SLC27A4: variants seen among roughly 807,000 people sequenced by gnomAD.
The protein encoded by SLC27A4 is solute carrier family 27 member 4.
In SLC27A4, 33 loss-of-function variants were observed where a neutral mutation model predicts 64.4. That is an observed-to-expected ratio of 0.51 (90% CI 0.39 to 0.68). The LOEUF (loss-of-function observed/expected upper bound fraction) is 0.68, where lower values mean the gene tolerates loss of function less well. SLC27A4 is among the 30% of genes least tolerant of loss of function. SLC27A4 has a pLI of 0.00. For synonymous variants in SLC27A4, 377 were observed against 370.0 expected (o/e 1.02, Z -0.22); for missense variants, 824 against 883.5 (o/e 0.93, Z 0.85).
At chr9:128,351,646 G>A (rs1051559156) in intron 6 of SLC27A4, among the ~76,000 whole-genome samples, 4 of 152,158 alleles carry the variant, frequency 2.6e-5, no homozygotes, top group African/African-American at 9.7e-5. Flanking sequence ...GAACCCAGGA[G>A]GCAAAGGTTG....
intron 7 of SLC27A4, 52 bp from the exon 8 acceptor site, chr9:128,352,973 G>A (rs1832759673): frequency 1.4e-6 from 2 of 1,479,328 alleles, no homozygotes; most frequent in Admixed American, 1.8e-5. Context: ...GAGAATCCTA[G>A]TGTAGTGAGG....
chr9:128,352,817 C>T, intron 7 of SLC27A4, 70 bp downstream of exon 7: 1 of 1,272,116 alleles, frequency 7.9e-7, no homozygotes, highest in Non-Finnish European at 1.1e-6. Context: ...CACTCCGGGG[C>T]ATCTGTCTTA....
Position 128,355,726 on chromosome 9 carries a change from C to T in SLC27A4, c.1704C>T (p.Val568=). Residue 568 remains valine, a synonymous_variant, in exon 12 of 13, where the codon GTC becomes GTT. Transcript: ENST00000300456. ...GNCDLERFAQ[V]LEKELPLYAR... is the part of the protein sequence containing the mutation. ...GTGACCTGGAGCGCTTTGCTCAGGT[C>T]TTGGAGAAGGAACTGCCCCTGTATG... The T allele has an allele frequency of 6.2e-7, 1 of 1,613,746 alleles. No individual in the cohort carries two copies. Among genetic ancestry groups the T allele is most frequent in the South Asian group, 1.1e-5 (1 of 91,078 alleles).
intron 4 of SLC27A4, 71 bp downstream of exon 4, chr9:128,348,774 GA>G: frequency 1.3e-6 from 2 of 1,513,388 alleles, no homozygotes; most frequent in South Asian, 1.1e-5. Flanking sequence ...CTCAGTGCCA[GA>G]AGGAGGCTTT....
At chr9:128,341,715 C>T (rs1406272152) in intron 1 of SLC27A4, among the ~76,000 whole-genome samples, 2 of 152,170 alleles carry the variant, frequency 1.3e-5, no homozygotes, top group African/African-American at 4.8e-5. Flanking sequence ...TCCCTGGGTT[C>T]TGGGTGGGGA....
chr9:128,353,947 T>G lies in SLC27A4; in HGVS notation c.1324+406T>G, dbSNP rs371388807. Among the ~76,000 whole-genome samples the G allele has an allele frequency of 3.7e-3, 562 of 150,658 alleles. 18 individuals are homozygous for G. In the East Asian group the frequency reaches 0.086, roughly 23 times the overall value. On this transcript the variant is annotated intron_variant, in intron 9 of 12. Transcript: ENST00000300456. The surrounding 1 kb of genome is among the most constrained non-coding windows in gnomAD (Gnocchi z 4.9). ...TTTAGTAGAGACGGGGTTTCACCGTTTTAGCCGGGATGGTCTCGATCTCCT... is the reference window on the plus strand; with the variant it reads ...TTTAGTAGAGACGGGGTTTCACCGTGTTAGCCGGGATGGTCTCGATCTCCT...
intron 1 of SLC27A4, 140 bp from the exon 2 acceptor site, chr9:128,342,986 TG>T: frequency 9.3e-7 from 1 of 1,069,812 alleles, no homozygotes; most frequent in Non-Finnish European, 1.4e-6. Context: ...GGGACCCCTG[TG>T]GTCAGTCACC....
rs1832601634 is a variant in SLC27A4 at position 128,343,138 on chromosome 9, G to A, written c.6G>A (p.Leu2=). 2 of 1,613,664 alleles carry A rather than the reference G, an allele frequency of 1.2e-6. No homozygotes were observed. Among genetic ancestry groups the A allele is most frequent in the East Asian group, 4.5e-5 (2 of 44,886 alleles). Residue 2 remains leucine (L), a synonymous_variant, in exon 2 of 13, where the codon CTG becomes CTA. Coordinates refer to ENST00000300456, the MANE Select transcript of SLC27A4 (RefSeq NM_005094.4). M[L]LGASLVGVLL... ...CCCTGTGTCCGCAGGCCACAATGCTGCTTGGAGCCTCTCTGGTGGGGGTGC... is the reference window on the plus strand; with the variant it reads ...CCCTGTGTCCGCAGGCCACAATGCTACTTGGAGCCTCTCTGGTGGGGGTGC...
chr9:128,352,150 G>A (rs1832746537), intron 6 of SLC27A4, among the ~76,000 whole-genome samples: 1 of 151,434 alleles, frequency 6.6e-6, no homozygotes, highest in South Asian at 2.1e-4. Flanking sequence ...AGCCGAGATG[G>A]CATCACTGTA....
rs551080094 is a variant in SLC27A4, at chr9:128,342,270, C to T, written c.-6-857C>T. ...CCGATATGGCTGAGATTGAGAAATT[C>T]GATAAGTCGAAACTGAAGAAGACAG... On this transcript the variant is annotated intron_variant, in intron 1 of 12. Coordinates refer to ENST00000300456, the MANE Select transcript of SLC27A4 (RefSeq NM_005094.4). 33 of 1,611,214 alleles carry T rather than the reference C, an allele frequency of 2.0e-5. No homozygotes were observed. In the African/African-American group the frequency reaches 2.3e-4, roughly 11 times the overall value.
intron 4 of SLC27A4, among the ~76,000 whole-genome samples, 178 bp from the exon 5 acceptor site, chr9:128,350,134 G>T (rs1237388029): frequency 6.6e-6 from 1 of 152,246 alleles, no homozygotes; most frequent in Non-Finnish European, 1.5e-5. Flanking sequence ...GGAAATATTT[G>T]TTGGAATGGA....
intron 3 of SLC27A4, among the ~76,000 whole-genome samples, chr9:128,347,457 T>C (rs998727428): frequency 2.6e-5 from 4 of 152,152 alleles, no homozygotes; most frequent in Non-Finnish European, 5.9e-5. Context: ...CCTGGCATGG[T>C]GGCTCACGCC....
At chr9:128,342,174 T>C in intron 1 of SLC27A4, 1 of 1,358,956 alleles carries the variant, frequency 7.4e-7, no homozygotes, top group Non-Finnish European at 1.1e-6. Flanking sequence ...TGGTGGCCAC[T>C]GCGCAGACCA....
chr9:128,355,502 G>T lies in SLC27A4; in HGVS notation c.1567G>T (p.Gly523Cys). ...GAACGTGTCCACCACCGAGGTGGAAGGCACACTCAGCCGCCTGCTGGACAT... is the reference window on the plus strand; with the variant it reads ...GAACGTGTCCACCACCGAGGTGGAATGCACACTCAGCCGCCTGCTGGACAT... ...GENVSTTEVE[G>C]TLSRLLDMAD... The change falls in exon 11 of 13, where the codon GGC (glycine) becomes TGC (cysteine). Residue 523 changes from glycine to cysteine, a missense_variant. Coordinates refer to ENST00000300456, the MANE Select transcript of SLC27A4 (RefSeq NM_005094.4). 1 of 1,613,368 alleles carries T rather than the reference G, an allele frequency of 6.2e-7. No homozygotes were observed. Among genetic ancestry groups the T allele is most frequent in the South Asian group, 1.1e-5 (1 of 91,088 alleles).
chr9:128,342,065 C>T lies in SLC27A4; in HGVS notation c.-6-1062C>T, dbSNP rs1007479883. On this transcript the variant is annotated intron_variant, in intron 1 of 12. Coordinates refer to ENST00000300456, the MANE Select transcript of SLC27A4 (RefSeq NM_005094.4). Reference sequence around the variant, plus strand: ...CAGAGGCTCTTAAGTCAGTACCCACCCCCAGGCCATCCGGTTTTAGGGACC... The same window carrying T: ...CAGAGGCTCTTAAGTCAGTACCCACTCCCAGGCCATCCGGTTTTAGGGACC... 4.8e-6 allele frequency: 3 copies of T among 624,944 alleles called. No individual in the cohort carries two copies. In the African/African-American group the frequency reaches 5.5e-5, roughly 12 times the overall value. 38.7% of individuals were successfully genotyped at this position (624,944 alleles called of 1,614,324 possible). A position where few individuals can be genotyped will look rare whatever the true frequency, so the allele number is the denominator to read the frequency against.
intron 12 of SLC27A4, 104 bp downstream of exon 12, chr9:128,355,900 G>A (rs1036714080): frequency 1.2e-5 from 18 of 1,502,730 alleles, no homozygotes; most frequent in African/African-American, 4.1e-5. Context: ...CAGCCTGGCC[G>A]GGCAGTTGGT....
In SLC27A4 at chr9:128,342,424, A is replaced by G. The variant is rs1024680461; in HGVS notation, c.-6-703A>G. 64 of 1,601,040 alleles carry G rather than the reference A, an allele frequency of 4.0e-5. No homozygotes were observed. The East Asian group carries it at 1.4e-3, about 36-fold the overall frequency. On this transcript the variant is annotated intron_variant, in intron 1 of 12. Transcript: ENST00000300456. ...TCCACAAGTATTGCCTTCTTATTTTACTTCTTTTAGCTGTTTAACTTTGTA... is the reference window on the plus strand; with the variant it reads ...TCCACAAGTATTGCCTTCTTATTTTGCTTCTTTTAGCTGTTTAACTTTGTA...
In SLC27A4 at chr9:128,352,918, A is replaced by T. The variant is rs1418571231; in HGVS notation, c.988-107A>T. 8.7e-6 allele frequency: 10 copies of T among 1,148,820 alleles called. No homozygotes were observed. In the East Asian group the frequency reaches 2.5e-4, roughly 29 times the overall value. 71.2% of individuals were successfully genotyped at this position (1,148,820 alleles called of 1,614,324 possible). A position where few individuals can be genotyped will look rare whatever the true frequency, so the allele number is the denominator to read the frequency against. On this transcript the variant is annotated intron_variant, in intron 7 of 12. Transcript: ENST00000300456. ...AGGCTGAGACCCGGAGAGGGAAAGG[A>T]TGGCATGGCCAGCCCCTGGGGAGAG...
At chr9:128,341,739 CT>C (rs962246168) in intron 1 of SLC27A4, among the ~76,000 whole-genome samples, 1 of 151,662 alleles carries the variant, frequency 6.6e-6, no homozygotes, top group Non-Finnish European at 1.5e-5. Context: ...GAGCCAGAGA[CT>C]TTTTTTTTCT....
Sources: allele counts gnomAD v4.1 joint callset (sites outside exome capture counted in the v4.1 genomes callset), GRCh38; gene constraint gnomAD v4.1.1; non-coding constraint Gnocchi (gnomAD v3.1); transcripts MANE v1.5; gene names NCBI Gene and HGNC (gene_info 2026-07-23, HGNC 2026-07-21).